The following GRAMD1B variants were observed in gnomAD, a reference collection of about 807,000 sequenced individuals.
The protein encoded by GRAMD1B is protein Aster-B.
GRAMD1B carries 37 observed loss-of-function variants against 99.7 expected under a neutral mutation model. The ratio of observed to expected loss-of-function variants is 0.37; its 90% CI spans 0.29 to 0.49. The LOEUF is 0.49. Ranked by LOEUF, GRAMD1B falls within the 20% of genes least tolerant of loss-of-function variation. GRAMD1B has a pLI of 0.98. For synonymous variants in GRAMD1B, 427 were observed against 387.6 expected (o/e 1.10, Z -1.19); for missense variants, 888 against 1,009.2 (o/e 0.88, Z 1.63).
intron 1 of GRAMD1B, among the ~76,000 whole-genome samples, chr11:123,475,640 G>T (rs1951229280): frequency 6.6e-6 from 1 of 152,202 alleles, no homozygotes; most frequent in South Asian, 2.1e-4. Context: ...CGGTGCCCAG[G>T]CAAGGACATT....
At chr11:123,468,707 G>A in intron 1 of GRAMD1B, among the ~76,000 whole-genome samples, 1 of 151,220 alleles carries the variant, frequency 6.6e-6, no homozygotes, top group Non-Finnish European at 1.5e-5. Context: ...CGAGGTGGGA[G>A]GATTGCTTGA....
chr11:123,579,116 T>G (rs985972898), intron 3 of GRAMD1B, among the ~76,000 whole-genome samples: 2 of 152,184 alleles, frequency 1.3e-5, no homozygotes, highest in African/African-American at 4.8e-5. Flanking sequence ...TTGGCAAACA[T>G]TGGCAGAACC....
intron 2 of GRAMD1B, among the ~76,000 whole-genome samples, chr11:123,544,965 T>C (rs1273158700): frequency 3.9e-5 from 6 of 152,198 alleles, no homozygotes; most frequent in Non-Finnish European, 7.4e-5. Context: ...CCTAGTCTCT[T>C]TTTCTTTCCC....
chr11:123,504,347 T>TA (rs1294840142), intron 2 of GRAMD1B, among the ~76,000 whole-genome samples: 1 of 152,220 alleles, frequency 6.6e-6, no homozygotes, highest in Non-Finnish European at 1.5e-5. Flanking sequence ...CTTCTCCTGA[T>TA]ATCTCCCTCA....
chr11:123,409,026 C>T lies in GRAMD1B; in HGVS notation c.-176+50227C>T, dbSNP rs554178510. Among the ~76,000 whole-genome samples the T allele has an allele frequency of 2.4e-4, 36 of 152,242 alleles. 1 individual carries two copies. The highest frequency in any genetic ancestry group is 1.1e-3 in the Admixed American group (17 of 15,298). On this transcript the variant is annotated intron_variant, in intron 1 of 20. Coordinates refer to the GRAMD1B transcript ENST00000638157. ...GTTATTATTATTTACCCAGAGACAA[C>T]GCTGATTAATCTTTACCAAGAACAA...
intron 1 of GRAMD1B, among the ~76,000 whole-genome samples, chr11:123,444,328 C>T (rs189297679): frequency 1.3e-3 from 191 of 152,240 alleles, no homozygotes; most frequent in African/African-American, 4.3e-3. Context: ...TTTTGCCACT[C>T]TTAAGATTTC....
At chr11:123,488,666 G>C (rs184430240) in intron 2 of GRAMD1B, among the ~76,000 whole-genome samples, 1 of 140,102 alleles carries the variant, frequency 7.1e-6, no homozygotes, top group Admixed American at 7.0e-5. Flanking sequence ...TGAAAGCTTT[G>C]GCCCTCCTCC....
chr11:123,406,695 A>G (rs1484591650), intron 1 of GRAMD1B, among the ~76,000 whole-genome samples: 1 of 152,258 alleles, frequency 6.6e-6, no homozygotes, highest in South Asian at 2.1e-4. Flanking sequence ...TAAATGAATG[A>G]CAATGAAGAC....
At chr11:123,501,355 G>A (rs1939838739) in intron 2 of GRAMD1B, among the ~76,000 whole-genome samples, 1 of 151,894 alleles carries the variant, frequency 6.6e-6, no homozygotes, top group African/African-American at 2.4e-5. Flanking sequence ...ATTTTTACTA[G>A]AGATGCGGTC....
chr11:123,625,967 A>AGG lies in GRAMD1B; in HGVS notation c.*3373_*3374insGG, dbSNP rs1955484587. 6.8e-6 allele frequency: 1 copy of AGG among 147,888 alleles called. No homozygotes were observed. 9.2% of individuals were successfully genotyped at this position (147,888 alleles called of 1,614,324 possible). A position where few individuals can be genotyped will look rare whatever the true frequency, so the allele number is the denominator to read the frequency against. On this transcript the variant is annotated 3_prime_UTR_variant, in exon 20 of 20. Transcript: ENST00000635736. ...GAGAGAGAGAGAGAGAGAGAGAGAG[A>AGG]GAGAGAGAGAGAGATCGAGCTTGAT... is the stretch of plus-strand genomic sequence containing the variant.
chr11:123,362,491 G>A (rs918181769), intron 1 of GRAMD1B, among the ~76,000 whole-genome samples: 7 of 152,010 alleles, frequency 4.6e-5, no homozygotes, highest in South Asian at 2.1e-4. Context: ...GGACTTCAGG[G>A]GTCAGAATTG....
intron 1 of GRAMD1B, chr11:123,435,551 G>A: frequency 1.5e-6 from 1 of 666,152 alleles, no homozygotes; most frequent in Non-Finnish European, 2.7e-6. Flanking sequence ...AGACAGCATG[G>A]CTTACTAACT....
chr11:123,589,684 A>T (rs1950452918), intron 4 of GRAMD1B, among the ~76,000 whole-genome samples: 1 of 149,216 alleles, frequency 6.7e-6, no homozygotes, highest in Admixed American at 6.7e-5. Flanking sequence ...CTGGTCTCAC[A>T]CTCCTGACCT....
chr11:123,577,637 G>A (rs1432024957), intron 3 of GRAMD1B, 60 bp downstream of exon 3: 2 of 1,300,754 alleles, frequency 1.5e-6, no homozygotes, highest in African/African-American at 1.5e-5. Flanking sequence ...AGCGATATTG[G>A]GGTGGTGAGC....
At chr11:123,604,802 C>T (rs75170383) in intron 9 of GRAMD1B, among the ~76,000 whole-genome samples, 3,567 of 152,216 alleles carry the variant, frequency 0.023, 141 homozygotes, top group African/African-American at 0.08. Flanking sequence ...AAGTGTTCCT[C>T]GACGAGCACC....
At chr11:123,472,847 G>A (rs1436857426) in intron 1 of GRAMD1B, among the ~76,000 whole-genome samples, 1 of 152,186 alleles carries the variant, frequency 6.6e-6, no homozygotes, top group Admixed American at 6.5e-5. Flanking sequence ...AGGGAAGATG[G>A]AGCCACCATT....
chr11:123,534,367 G>A (rs73027933), intron 2 of GRAMD1B, among the ~76,000 whole-genome samples: 28,027 of 152,188 alleles, frequency 0.18, 2,938 homozygotes, highest in Admixed American at 0.24. Context: ...TCTCAGAGGC[G>A]ACAGAGGTGA....
intron 4 of GRAMD1B, among the ~76,000 whole-genome samples, chr11:123,588,086 C>T (rs764593217): frequency 2.0e-5 from 3 of 151,322 alleles, no homozygotes; most frequent in Non-Finnish European, 4.4e-5. Flanking sequence ...GTTACGTCCT[C>T]GTCTCCCGTC....
intron 2 of GRAMD1B, among the ~76,000 whole-genome samples, chr11:123,548,952 G>A (rs1945334279): frequency 2.6e-5 from 4 of 152,284 alleles, no homozygotes; most frequent in Non-Finnish European, 5.9e-5. Flanking sequence ...TTTAGAGAGA[G>A]AGCGAGCAAG....
Sources: allele counts gnomAD v4.1 joint callset (sites outside exome capture counted in the v4.1 genomes callset), GRCh38; gene constraint gnomAD v4.1.1; transcripts MANE v1.5; gene names NCBI Gene and HGNC (gene_info 2026-07-23, HGNC 2026-07-21).